Variants in TIAM1 observed in about 807,000 individuals in gnomAD.
TIAM1 encodes TIAM Rac1 associated GEF 1.
A neutral mutation model predicts 163.5 loss-of-function variants in TIAM1; 65 were observed. The observed-to-expected ratio is 0.40, with a 90% CI of 0.33 to 0.49. The LOEUF is 0.49. Among genes scored for constraint, TIAM1 ranks in the 20% least tolerant of loss-of-function variants. The pLI, the probability that TIAM1 is intolerant of heterozygous loss-of-function variation, is 0.77. For synonymous variants in TIAM1, 833 were observed against 810.1 expected (o/e 1.03, Z -0.48); for missense variants, 1,789 against 2,044.7 (o/e 0.87, Z 2.41).
rs184125170 is a variant in TIAM1, at chr21:31,136,838, G to A, written c.3775-797C>T. 5.4e-4 allele frequency among the ~76,000 whole-genome samples: 82 copies of A among 152,322 alleles called. No individual in the cohort carries two copies. The Middle Eastern group carries it at 0.01, about 19-fold the overall frequency. ...TGAATATCCACTTTTGGGAAATGTA[G>A]GCAAATTATTTCTTCTTCCAATCCA... is the stretch of plus-strand genomic sequence containing the variant. On this transcript the variant is annotated intron_variant, in intron 22 of 27. Coordinates refer to ENST00000541036, the MANE Select transcript of TIAM1 (RefSeq NM_001353694.2).
chr21:31,259,435 C>T (rs900445047), intron 4 of TIAM1, among the ~76,000 whole-genome samples: 6 of 151,926 alleles, frequency 3.9e-5, no homozygotes, highest in Non-Finnish European at 8.8e-5. Flanking sequence ...ATGCACCCGA[C>T]CTAAGAATGT....
intron 2 of TIAM1, among the ~76,000 whole-genome samples, chr21:31,461,591 C>T (rs1020501271): frequency 6.6e-6 from 1 of 152,166 alleles, no homozygotes; most frequent in African/African-American, 2.4e-5. Flanking sequence ...CCTACCCATG[C>T]TGAATTACAT....
At chr21:31,273,032 T>A (rs756244215) in intron 3 of TIAM1, among the ~76,000 whole-genome samples, 10 of 152,148 alleles carry the variant, frequency 6.6e-5, no homozygotes, top group Non-Finnish European at 1.5e-4. Context: ...TTGCCCCAGC[T>A]AATGACAACT....
At chr21:31,304,039 G>A (rs1379994611) in intron 2 of TIAM1, among the ~76,000 whole-genome samples, 1 of 152,116 alleles carries the variant, frequency 6.6e-6, no homozygotes, top group Non-Finnish European at 1.5e-5. Context: ...ACATAGCTCT[G>A]TCCCAGGGTT....
chr21:31,327,638 C>T (rs1213807579), intron 2 of TIAM1, among the ~76,000 whole-genome samples: 3 of 49,332 alleles, frequency 6.1e-5, no homozygotes, highest in African/African-American at 3.8e-4. Flanking sequence ...GAAACGCCGC[C>T]ATCTCAAAAA....
intron 2 of TIAM1, among the ~76,000 whole-genome samples, chr21:31,293,214 G>C (rs977358875): frequency 2.6e-5 from 4 of 152,150 alleles, no homozygotes; most frequent in African/African-American, 9.7e-5. Context: ...GGGAAAAAAT[G>C]ATGCTGCAGT....
In TIAM1 at chr21:31,118,710, G is replaced by A; in HGVS notation, c.*1658C>T. On this transcript the variant is annotated 3_prime_UTR_variant, in exon 28 of 28. Coordinates refer to ENST00000541036, the MANE Select transcript of TIAM1 (RefSeq NM_001353694.2). ...ACCGGAGATGATATGGAAAAATGCA[G>A]TGATACAAAGGGTATAGAAACCATT... The A allele has an allele frequency of 2.1e-6, 1 of 467,094 alleles. No homozygotes were observed. Among genetic ancestry groups the A allele is most frequent in the Non-Finnish European group, 4.4e-6 (1 of 225,820 alleles). 28.9% of individuals were successfully genotyped at this position (467,094 alleles called of 1,614,324 possible). A position where few individuals can be genotyped will look rare whatever the true frequency, so the allele number is the denominator to read the frequency against.
Position 31,261,211 on chromosome 21 carries a change from G to A in TIAM1, c.963+4799C>T, listed in dbSNP as rs116904848. Among the ~76,000 whole-genome samples the A allele has an allele frequency of 1.6e-3, 235 of 151,138 alleles. 4 individuals carry two copies. In the East Asian group the frequency reaches 0.036, roughly 23 times the overall value. ...TCCTGGCCATCTCTCTCCGTAATCA[G>A]TGTTTTAGGTGACAAAAGTGGGCAG... is the stretch of plus-strand genomic sequence containing the variant. On this transcript the variant is annotated intron_variant, in intron 4 of 27. Transcript: ENST00000541036.
intron 1 of TIAM1, among the ~76,000 whole-genome samples, chr21:31,541,786 A>G (rs1205802499): frequency 2.0e-5 from 3 of 152,262 alleles, no homozygotes; most frequent in Admixed American, 1.3e-4. Context: ...GGAATGCAGA[A>G]GAATGTCTCC....
At chr21:31,221,471 C>A (rs946265376) in intron 8 of TIAM1, among the ~76,000 whole-genome samples, 5 of 152,156 alleles carry the variant, frequency 3.3e-5, no homozygotes, top group Admixed American at 3.3e-4. Flanking sequence ...TAATAGCCTG[C>A]CCCCCTGAAA....
rs527511062 is a variant in TIAM1, at chr21:31,277,939, A to G, written c.-188-1031T>C. Among the ~76,000 whole-genome samples the G allele has an allele frequency of 6.6e-5, 10 of 152,272 alleles. 1 individual carries two copies. In the South Asian group the frequency reaches 2.1e-3, roughly 32 times the overall value. On this transcript the variant is annotated intron_variant, in intron 2 of 27. Coordinates refer to ENST00000541036, the MANE Select transcript of TIAM1 (RefSeq NM_001353694.2). ...TAAATAAATAAATACACACCAGCCT[A>G]TTTACATTTAGGGTAATACATAGCC... is the stretch of plus-strand genomic sequence containing the variant.
intron 2 of TIAM1, among the ~76,000 whole-genome samples, chr21:31,315,763 T>G (rs913072093): frequency 1.3e-5 from 2 of 149,298 alleles, no homozygotes; most frequent in African/African-American, 2.5e-5. Flanking sequence ...AGGCGGATCA[T>G]GAGGTCAGGA....
In TIAM1 at chr21:31,266,547, C is replaced by T. The variant is rs536019868; in HGVS notation, c.426G>A (p.Leu142=). The T allele has an allele frequency of 4.3e-6, 7 of 1,614,182 alleles. No individual in the cohort carries two copies. In the Admixed American group the frequency reaches 6.7e-5, roughly 15 times the overall value. ...SRLYGDDATY[L]AEGGRRQHSY... is the part of the protein sequence containing the mutation. ...AATGCTGCCTCCTGCCTCCCTCAGC[C>T]AAATATGTAGCGTCATCCCCGTAAA... Residue 142 remains leucine, a synonymous_variant, in exon 4 of 28, where the codon TTG becomes TTA. Coordinates refer to ENST00000541036, the MANE Select transcript of TIAM1 (RefSeq NM_001353694.2).
At chr21:31,400,241 C>T (rs2077143117) in intron 2 of TIAM1, among the ~76,000 whole-genome samples, 1 of 152,058 alleles carries the variant, frequency 6.6e-6, no homozygotes, top group Non-Finnish European at 1.5e-5. Flanking sequence ...AATTCTCCTA[C>T]CTCAGCTCCC....
Position 31,154,350 on chromosome 21 carries a change from T to C in TIAM1, c.3068A>G (p.Asp1023Gly), listed in dbSNP as rs75483199. The change falls in exon 17 of 28, where the codon GAC becomes GGC. Residue 1023 changes from aspartate to glycine, a missense_variant. Physicochemically the swap from Asp to Gly is moderately conservative, Grantham distance 94 (BLOSUM62 -1). Around this residue, in one of 5 missense-constraint regions of TIAM1, gnomAD observed 303 missense variants for 321.3 expected, o/e 0.94. Transcript: ENST00000541036. Reference protein sequence around the residue: ...NPSDQSPSPQDSTGPQLATMR... With the variant: ...NPSDQSPSPQGSTGPQLATMR... ...GGTCGCCAGCTGAGGCCCCGTGGAG[T>C]CCTGAGGAGATGGGCTCTGGTCAGA... is the stretch of plus-strand genomic sequence containing the variant. 1.2e-6 allele frequency: 2 copies of C among 1,613,578 alleles called. No individual in the cohort carries two copies. The highest frequency in any genetic ancestry group is 2.2e-5 in the South Asian group (2 of 91,040).
chr21:31,309,361 G>A (rs979027461), intron 2 of TIAM1, among the ~76,000 whole-genome samples: 4 of 152,156 alleles, frequency 2.6e-5, no homozygotes, highest in Non-Finnish European at 5.9e-5. Flanking sequence ...AGGAGGCTGA[G>A]GCAGGAGAAT....
chr21:31,336,346 G>A (rs891987521), intron 2 of TIAM1, among the ~76,000 whole-genome samples: 40 of 152,092 alleles, frequency 2.6e-4, no homozygotes, highest in Non-Finnish European at 1.0e-4. Context: ...AACTCCCTCC[G>A]GGGGGAAGAT....
chr21:31,551,282 C>T (rs953167179), intron 1 of TIAM1, among the ~76,000 whole-genome samples: 6 of 151,852 alleles, frequency 4.0e-5, no homozygotes, highest in African/African-American at 1.2e-4. Context: ...GTGGCTCACA[C>T]CTGTAATCCC....
intron 2 of TIAM1, among the ~76,000 whole-genome samples, chr21:31,373,883 C>A (rs2076642069): frequency 6.6e-6 from 1 of 152,158 alleles, no homozygotes; most frequent in South Asian, 2.1e-4. Flanking sequence ...CCCTCTTCCT[C>A]TCCCCACTCC....
Sources: gnomAD v4.1 joint callset for allele counts (sites outside exome capture counted in the v4.1 genomes callset) on GRCh38, gnomAD v4.1.1 for gene constraint, gnomAD v4.1.1 regional missense constraint, MANE v1.5 for transcripts, NCBI Gene and HGNC (gene_info 2026-07-23, HGNC 2026-07-21) for gene names.